The following EDAR variants were observed in gnomAD, a reference collection of about 807,000 sequenced individuals.
EDAR encodes ectodysplasin A receptor.
A neutral mutation model predicts 51.3 loss-of-function variants in EDAR; 38 were observed. The ratio of observed to expected loss-of-function variants is 0.74; its 90% CI spans 0.57 to 0.97. EDAR has a LOEUF of 0.97. Ranked by LOEUF, EDAR falls within the 50% of genes least tolerant of loss-of-function variation. The pLI is 0.00. For synonymous variants in EDAR, 227 were observed against 242.1 expected (o/e 0.94, Z 0.58); for missense variants, 528 against 595.0 (o/e 0.89, Z 1.17).
chr2:108,906,466 C>T, intron 10 of EDAR, 98 bp from the exon 11 acceptor site: 1 of 1,264,420 alleles, frequency 7.9e-7, no homozygotes, highest in Non-Finnish European at 1.1e-6. Context: ...CAGCTACGCC[C>T]AACACCAGAG....
intron 4 of EDAR, among the ~76,000 whole-genome samples, chr2:108,926,590 T>C (rs1423389441): frequency 6.6e-6 from 1 of 152,170 alleles, no homozygotes; most frequent in Non-Finnish European, 1.5e-5. Flanking sequence ...GTGGAGCTCC[T>C]CCGGGGTGAG....
intron 1 of EDAR, among the ~76,000 whole-genome samples, chr2:108,970,937 G>A (rs751870832): frequency 4.6e-5 from 7 of 152,154 alleles, no homozygotes; most frequent in Non-Finnish European, 8.8e-5. Flanking sequence ...AATAACTACC[G>A]TTCAGCAAAA....
At chr2:108,972,112 C>A (rs62151136) in intron 1 of EDAR, among the ~76,000 whole-genome samples, 1,610 of 152,362 alleles carry the variant, frequency 0.011, 10 homozygotes, top group Non-Finnish European at 0.016. Context: ...AACCACCCAG[C>A]GGAGCCGCTC....
At chr2:108,985,593 G>A (rs1698484487) in intron 1 of EDAR, among the ~76,000 whole-genome samples, 1 of 152,190 alleles carries the variant, frequency 6.6e-6, no homozygotes. Flanking sequence ...GTGTGTCTGG[G>A]CAAGAGGATC....
intron 4 of EDAR, among the ~76,000 whole-genome samples, chr2:108,923,828 C>T (rs561627381): frequency 2.9e-3 from 440 of 152,366 alleles, no homozygotes; most frequent in Non-Finnish European, 5.5e-3. Flanking sequence ...GCCAGACCTT[C>T]CTGGAGGAGG....
intron 1 of EDAR, among the ~76,000 whole-genome samples, chr2:108,976,261 ACAGGTGTTTTGTAGAATCCTCCT>A (rs1371383811): frequency 6.6e-6 from 1 of 152,164 alleles, no homozygotes; most frequent in Non-Finnish European, 1.5e-5. Flanking sequence ...GGAGCACTGG[ACAGGTGTTTTGTAGAATCCTCCT>A]CAACTGAGAG....
chr2:108,900,277 T>A (rs1254104392), intron 11 of EDAR, among the ~76,000 whole-genome samples: 4 of 152,220 alleles, frequency 2.6e-5, no homozygotes, highest in Admixed American at 2.0e-4. Flanking sequence ...AACTAAAGGC[T>A]GGGCCTGGTG....
chr2:108,921,890 C>T (rs1574380154), intron 5 of EDAR, among the ~76,000 whole-genome samples: 1 of 152,384 alleles, frequency 6.6e-6, no homozygotes, highest in East Asian at 1.9e-4. Flanking sequence ...CTCTGCTGAC[C>T]TCCTTCAGGG....
chr2:108,949,925 C>G (rs375033259), intron 1 of EDAR, among the ~76,000 whole-genome samples: 1 of 152,204 alleles, frequency 6.6e-6, no homozygotes, highest in East Asian at 1.9e-4. Flanking sequence ...AGGCCAATGC[C>G]CTCATTTCCT....
intron 1 of EDAR, among the ~76,000 whole-genome samples, chr2:108,976,252 G>C (rs189464828): frequency 3.9e-5 from 6 of 152,306 alleles, no homozygotes; most frequent in Admixed American, 3.9e-4. Flanking sequence ...AAGTTTTGAG[G>C]AGCACTGGAC....
chr2:108,943,638 C>T (rs909670223), intron 1 of EDAR, among the ~76,000 whole-genome samples: 17 of 152,174 alleles, frequency 1.1e-4, no homozygotes, highest in East Asian at 3.9e-4. Flanking sequence ...ATGTCCAGAG[C>T]GAAGACTCCG....
chr2:108,942,591 G>C (rs1206904013), intron 1 of EDAR, among the ~76,000 whole-genome samples: 1 of 152,252 alleles, frequency 6.6e-6, no homozygotes, highest in South Asian at 2.1e-4. Context: ...TTCATTTTGT[G>C]AGTCTGCGCT....
chr2:108,924,624 T>C (rs1046878378), intron 4 of EDAR, among the ~76,000 whole-genome samples: 5 of 152,318 alleles, frequency 3.3e-5, no homozygotes, highest in African/African-American at 9.6e-5. Context: ...CGGGGGTCTG[T>C]GGGCTCCTGC....
chr2:108,977,478 G>A (rs1287819076), intron 1 of EDAR, among the ~76,000 whole-genome samples: 2 of 152,092 alleles, frequency 1.3e-5, no homozygotes, highest in African/African-American at 4.8e-5. Context: ...CACTGTGTTC[G>A]CCAGGATGGT....
chr2:108,939,479 T>C (rs1258155310), intron 1 of EDAR, among the ~76,000 whole-genome samples: 1 of 152,078 alleles, frequency 6.6e-6, no homozygotes, highest in Non-Finnish European at 1.5e-5. Flanking sequence ...GATTACCAGG[T>C]GGGGAGGTCA....
At chr2:108,900,513 C>T (rs1187061585) in intron 11 of EDAR, among the ~76,000 whole-genome samples, 1 of 149,300 alleles carries the variant, frequency 6.7e-6, no homozygotes, top group Non-Finnish European at 1.5e-5. Flanking sequence ...AAGATCATGC[C>T]ATTGCACTCC....
At chr2:108,966,833 G>C (rs1455885333) in intron 1 of EDAR, among the ~76,000 whole-genome samples, 1 of 152,240 alleles carries the variant, frequency 6.6e-6, no homozygotes, top group Non-Finnish European at 1.5e-5. Context: ...TGGCTAAACT[G>C]CTGAGTAGGA....
chr2:108,908,977 G>GAGAGAAGGTGAGGT (rs530937217), intron 9 of EDAR, among the ~76,000 whole-genome samples: 57 of 152,222 alleles, frequency 3.7e-4, no homozygotes, highest in African/African-American at 1.3e-3. Flanking sequence ...GTCCCCACTC[G>GAGAGAAGGTGAGGT]AGAGAAGGTG....
intron 1 of EDAR, among the ~76,000 whole-genome samples, chr2:108,951,108 C>T (rs1471181091): frequency 6.6e-6 from 1 of 152,200 alleles, no homozygotes; most frequent in East Asian, 1.9e-4. Context: ...AACTACCTGC[C>T]CTGGGAGTTT....
Sources: gnomAD v4.1 joint callset for allele counts (sites outside exome capture counted in the v4.1 genomes callset) on GRCh38, gnomAD v4.1.1 for gene constraint, MANE v1.5 for transcripts, NCBI Gene and HGNC (gene_info 2026-07-23, HGNC 2026-07-21) for gene names.